ZFYVE16: variants seen among roughly 807,000 people sequenced by gnomAD.
ZFYVE16 encodes the protein zinc finger FYVE-type containing 16.
In ZFYVE16, 89 loss-of-function variants were observed where a neutral mutation model predicts 138.1. That is an observed-to-expected ratio of 0.64 (90% CI 0.54 to 0.77). The LOEUF is 0.77. Ranked by LOEUF, ZFYVE16 falls within the 30% of genes least tolerant of loss-of-function variation. ZFYVE16 has a pLI of 0.00. For missense variants in ZFYVE16, 1,793 were observed against 1,786.7 expected (o/e 1.00, Z -0.06); for synonymous variants, 596 against 618.3 (o/e 0.96, Z 0.53).
At chr5:80,433,367 C>T (rs572561820) in intron 2 of ZFYVE16, among the ~76,000 whole-genome samples, 15 of 152,130 alleles carry the variant, frequency 9.9e-5, no homozygotes, top group South Asian at 8.3e-4. Flanking sequence ...TATTCTCACT[C>T]GTAGTTGGGA....
In ZFYVE16 at chr5:80,472,930, AT is replaced by A. The variant is rs1270365204; in HGVS notation, c.4187+14del. The A allele has an allele frequency of 4.4e-6, 7 of 1,580,278 alleles. No individual in the cohort carries two copies. The highest frequency in any genetic ancestry group is 1.2e-5 in the South Asian group (1 of 84,146). The stretch of plus-strand genomic sequence containing the variant: ...AAGAAAAAGGAAACAAAGGGTAGGA[AT>A]TTTTTTATTCTAAAATATAATTGAT... On this transcript the variant is annotated splice_region_variant and intron_variant, in intron 16 of 18. Transcript: ENST00000505560.
chr5:80,479,521 A>G lies in ZFYVE16; in HGVS notation c.*2144A>G, dbSNP rs1161908919. Among the ~76,000 whole-genome samples the G allele has an allele frequency of 1.3e-5, 2 of 152,224 alleles. No homozygotes were observed. Among genetic ancestry groups the G allele is most frequent in the African/African-American group, 4.8e-5 (2 of 41,474 alleles). On this transcript the variant is annotated 3_prime_UTR_variant, in exon 19 of 19. Coordinates refer to ENST00000505560, the MANE Select transcript of ZFYVE16 (RefSeq NM_001284236.3). ...CCACAAGTAGTATGCGCTTAAGTGC[A>G]GAGCATGCCAAGAGAAAGAGTAGGA...
At chr5:80,471,532 C>T (rs1033313059) in intron 15 of ZFYVE16, among the ~76,000 whole-genome samples, 5 of 152,150 alleles carry the variant, frequency 3.3e-5, no homozygotes, top group Admixed American at 2.0e-4. Context: ...CTACCCCTGC[C>T]CTCACTAAAC....
At chr5:80,456,333 C>T (rs1752527110) in intron 12 of ZFYVE16, 128 bp from the exon 13 acceptor site, 2 of 707,818 alleles carry the variant, frequency 2.8e-6, no homozygotes, top group African/African-American at 1.9e-5. Flanking sequence ...ACCCTAAATA[C>T]TACAAAGTTT....
chr5:80,457,426 C>T (rs1302648415), intron 14 of ZFYVE16, among the ~76,000 whole-genome samples: 1 of 152,158 alleles, frequency 6.6e-6, no homozygotes, highest in Non-Finnish European at 1.5e-5. Flanking sequence ...TCCAACTCCT[C>T]TTAGTTGGTG....
chr5:80,436,008 G>A (rs1268099091), intron 3 of ZFYVE16, among the ~76,000 whole-genome samples: 2 of 152,180 alleles, frequency 1.3e-5, no homozygotes, highest in East Asian at 3.8e-4. Flanking sequence ...TGTGAAGAAG[G>A]TGCTTCTCCT....
intron 18 of ZFYVE16, among the ~76,000 whole-genome samples, chr5:80,476,489 T>C (rs1275809379): frequency 2.0e-5 from 3 of 152,200 alleles, no homozygotes; most frequent in Non-Finnish European, 4.4e-5. Context: ...TGTATTTCTC[T>C]TAACAAGGAG....
Position 80,478,417 on chromosome 5 carries a change from T to C in ZFYVE16, c.*1040T>C, listed in dbSNP as rs1755100453. On this transcript the variant is annotated 3_prime_UTR_variant, in exon 19 of 19. Transcript: ENST00000505560. ...ATATTTTAAATTCTTTATATGGTAGTTATTTTTTATAACAGGATATTAACA... is the reference window on the plus strand; with the variant it reads ...ATATTTTAAATTCTTTATATGGTAGCTATTTTTTATAACAGGATATTAACA... The C allele has an allele frequency of 6.6e-6, 1 of 152,112 alleles. No homozygotes were observed. The highest frequency in any genetic ancestry group is 6.5e-5 in the Admixed American group (1 of 15,272). The allele number at this position is 152,112 out of a possible 1,614,324, so 9.4% of individuals were successfully genotyped here.
chr5:80,420,263 C>G (rs957555506), intron 1 of ZFYVE16, among the ~76,000 whole-genome samples: 1 of 151,950 alleles, frequency 6.6e-6, no homozygotes, highest in Non-Finnish European at 1.5e-5. Flanking sequence ...TGTACCACCA[C>G]GCCCAGCTAA....
chr5:80,438,688 C>G lies in ZFYVE16; in HGVS notation c.2003C>G (p.Pro668Arg), dbSNP rs778536663. 1.2e-6 allele frequency: 2 copies of G among 1,613,972 alleles called. No homozygotes were observed. Among genetic ancestry groups the G allele is most frequent in the African/African-American group, 1.3e-5 (1 of 74,912 alleles). ...AGGAGTTCAAAGGACCTGAATAAGC[C>G]AGATGTTCCAGATACAATAGAAAGT... The part of the protein sequence containing the change: ...RTRSSKDLNK[P>R]DVPDTIESEP... The change falls in exon 4 of 19, where the codon CCA (proline) becomes CGA (arginine). Residue 668 changes from proline (P) to arginine (R), a missense_variant. Physicochemically the swap from Pro to Arg is moderately radical, Grantham distance 103 (BLOSUM62 -2). Around this residue, in one of 2 missense-constraint regions of ZFYVE16, gnomAD observed 1,295 missense variants for 1,204.3 expected, o/e 1.08. Coordinates refer to ENST00000505560, the MANE Select transcript of ZFYVE16 (RefSeq NM_001284236.3).
Position 80,482,399 on chromosome 5 carries a change from G to A in ZFYVE16, c.*5022G>A, listed in dbSNP as rs752169859. ...ACAGAGAAAAAAGTGAAAAAAATGAGAAGACCTTTGGGGATCTGTGGGACA... is the reference window on the plus strand; with the variant it reads ...ACAGAGAAAAAAGTGAAAAAAATGAAAAGACCTTTGGGGATCTGTGGGACA... On this transcript the variant is annotated 3_prime_UTR_variant, in exon 19 of 19. Transcript: ENST00000505560. 1.3e-5 allele frequency: 2 copies of A among 152,106 alleles called. No homozygotes were observed. Among genetic ancestry groups the A allele is most frequent in the Non-Finnish European group, 2.9e-5 (2 of 68,016 alleles). The allele number at this position is 152,106 out of a possible 1,614,324, so 9.4% of individuals were successfully genotyped here.
At chr5:80,458,228 T>G (rs1408828529) in intron 14 of ZFYVE16, among the ~76,000 whole-genome samples, 2 of 152,116 alleles carry the variant, frequency 1.3e-5, no homozygotes, top group African/African-American at 4.8e-5. Flanking sequence ...TTTAACAATT[T>G]TTAATATTTA....
intron 11 of ZFYVE16, 36 bp downstream of exon 11, chr5:80,451,745 T>C: frequency 1.3e-6 from 2 of 1,530,734 alleles, no homozygotes; most frequent in Non-Finnish European, 1.8e-6. Flanking sequence ...TTGCATATTT[T>C]CAAATATACT....
rs751242748 is a variant in ZFYVE16, at chr5:80,438,852, G to A, written c.2167G>A (p.Glu723Lys). The A allele has an allele frequency of 1.2e-6, 2 of 1,614,058 alleles. No individual in the cohort carries two copies. Among genetic ancestry groups the A allele is most frequent in the Non-Finnish European group, 8.5e-7 (1 of 1,179,948 alleles). ...EGGSSFVTAN[E>K]DSVPENTCKE... ...TGGATCTAGTTTCGTAACTGCAAAT[G>A]AAGATTCTGTACCTGAAAACACTTG... is the stretch of plus-strand genomic sequence containing the variant. The change falls in exon 4 of 19, where the codon GAA (glutamate) becomes AAA (lysine). Residue 723 changes from glutamate (E) to lysine (K), a missense_variant. This residue lies in a region of ZFYVE16 where 1,295 missense variants were observed against 1,204.3 expected (regional missense o/e 1.08). Transcript: ENST00000505560.
chr5:80,462,820 A>G (rs1753278431), intron 15 of ZFYVE16, among the ~76,000 whole-genome samples: 1 of 152,214 alleles, frequency 6.6e-6, no homozygotes, highest in African/African-American at 2.4e-5. Context: ...CCCGTTCCAA[A>G]TGTGAGAAAT....
At position 80,450,817 on chromosome 5, in the gene ZFYVE16, T is replaced by G. The variant is rs1282853604; in HGVS notation, c.3382+231T>G. Among the ~76,000 whole-genome samples, 22 of 8,502 alleles carry G rather than the reference T, an allele frequency of 2.6e-3. No homozygotes were observed. The Admixed American group carries it at 0.058, about 23-fold the overall frequency. The allele number at this position is 8,502 out of a possible 152,430, so 5.6% of individuals were successfully genotyped here. On this transcript the variant is annotated intron_variant, in intron 10 of 18. Transcript: ENST00000505560. ...ATGGAAATATATCCTTATATCCATT[T>G]TTTTTTTTTTTTTTTTTTTGAGACA... is the stretch of plus-strand genomic sequence containing the variant.
rs1333515897 is a variant in ZFYVE16 at position 80,443,033 on chromosome 5, A to T, written c.2420-90A>T. On this transcript the variant is annotated intron_variant, in intron 5 of 18. Transcript: ENST00000505560. Reference sequence around the variant, plus strand: ...AGCCATTTCTTTCTTTCTCCTTACAACTTGAAAAATAGAATATTTATTGTA... The same window carrying T: ...AGCCATTTCTTTCTTTCTCCTTACATCTTGAAAAATAGAATATTTATTGTA... 5 of 1,273,826 alleles carry T rather than the reference A, an allele frequency of 3.9e-6. No homozygotes were observed. In the Admixed American group the frequency reaches 8.8e-5, roughly 22 times the overall value. The allele number at this position is 1,273,826 out of a possible 1,614,324, so 78.9% of individuals were successfully genotyped here.
In ZFYVE16 at chr5:80,470,170, C is replaced by T. The variant is rs373771487; in HGVS notation, c.4025-2591C>T. On this transcript the variant is annotated intron_variant, in intron 15 of 18. Coordinates refer to ENST00000505560, the MANE Select transcript of ZFYVE16 (RefSeq NM_001284236.3). ...AGGCTGGAGTGCAGTGGCGCAATCT[C>T]GGCTCACTGGAAGCTCCACCTCCTG... Among the ~76,000 whole-genome samples, 41 of 140,304 alleles carry T rather than the reference C, an allele frequency of 2.9e-4. No homozygotes were observed. The East Asian group carries it at 3.9e-3, about 13-fold the overall frequency. 92.0% of individuals were successfully genotyped at this position (140,304 alleles called of 152,430 possible).
intron 2 of ZFYVE16, among the ~76,000 whole-genome samples, chr5:80,432,322 C>G (rs1221148004): frequency 1.3e-5 from 2 of 151,888 alleles, no homozygotes; most frequent in East Asian, 3.9e-4. Context: ...CTGACAAAAA[C>G]AAGAAATGGG....
Sources: allele counts gnomAD v4.1 joint callset (sites outside exome capture counted in the v4.1 genomes callset), GRCh38; gene constraint gnomAD v4.1.1; regional missense constraint gnomAD v4.1.1; transcripts MANE v1.5; gene names NCBI Gene and HGNC (gene_info 2026-07-23, HGNC 2026-07-21).